Variants in SEMA3A observed in about 807,000 individuals in gnomAD.
SEMA3A encodes semaphorin 3A, also known as semaphorin-3A.
Under a neutral mutation model 97.9 loss-of-function variants are expected in SEMA3A, and 29 were observed. That is an observed-to-expected ratio of 0.30 (90% CI 0.22 to 0.40). SEMA3A has a LOEUF of 0.40. SEMA3A is among the 10% of genes least tolerant of loss of function. SEMA3A has a pLI of 1.00. For missense variants in SEMA3A, 763 were observed against 951.3 expected, an observed-to-expected ratio of 0.80 and a Z score of 2.60; for synonymous variants, 321 against 323.7, an observed-to-expected ratio of 0.99 and a Z score of 0.09.
intron 4 of SEMA3A, among the ~76,000 whole-genome samples, chr7:84,071,449 A>T (rs1198151749): frequency 6.6e-6 from 1 of 152,248 alleles, no homozygotes; most frequent in South Asian, 2.1e-4. Flanking sequence ...ATTCTTTTTT[A>T]GGCCAGGAGT....
intron 10 of SEMA3A, among the ~76,000 whole-genome samples, chr7:84,005,882 G>A (rs896600513): frequency 1.3e-5 from 2 of 152,118 alleles, no homozygotes. Flanking sequence ...CTGGGAGGTG[G>A]AGGTTGCAGT....
intron 3 of SEMA3A, among the ~76,000 whole-genome samples, chr7:84,219,995 C>G (rs1427970801): frequency 6.6e-6 from 1 of 152,122 alleles, no homozygotes; most frequent in African/African-American, 2.4e-5. Flanking sequence ...TATCCATTGT[C>G]TCTCCCTTTC....
intron 5 of SEMA3A, among the ~76,000 whole-genome samples, chr7:84,053,832 A>T (rs887132345): frequency 1.9e-5 from 2 of 104,916 alleles, no homozygotes; most frequent in African/African-American, 5.5e-5. Flanking sequence ...TTTTGGCATG[A>T]TTTTGCAGTG....
intron 3 of SEMA3A, 32 bp from the exon 4 acceptor site, chr7:84,110,621 A>T (rs757775827): frequency 6.2e-7 from 1 of 1,612,746 alleles, no homozygotes; most frequent in East Asian, 2.2e-5. Context: ...AAAGAGTTTC[A>T]GCAATCAGCA....
intron 2 of SEMA3A, among the ~76,000 whole-genome samples, chr7:84,336,599 G>A (rs1383120680): frequency 1.3e-5 from 2 of 152,118 alleles, no homozygotes; most frequent in Non-Finnish European, 2.9e-5. Flanking sequence ...CAGTAGGACA[G>A]TGTTCTATGA....
chr7:84,229,687 A>G (rs923545784), intron 3 of SEMA3A, among the ~76,000 whole-genome samples: 7 of 152,166 alleles, frequency 4.6e-5, no homozygotes, highest in African/African-American at 1.7e-4. Context: ...TTTGATTTTT[A>G]TAATGGAACA....
intron 3 of SEMA3A, among the ~76,000 whole-genome samples, chr7:84,255,782 A>G (rs1259991945): frequency 6.6e-6 from 1 of 151,794 alleles, no homozygotes; most frequent in Non-Finnish European, 1.5e-5. Context: ...AAATAAAAAC[A>G]GAAACACTCG....
At chr7:84,374,541 T>C (rs1240743484) in intron 1 of SEMA3A, among the ~76,000 whole-genome samples, 1 of 152,378 alleles carries the variant, frequency 6.6e-6, no homozygotes, top group South Asian at 2.1e-4. Flanking sequence ...AAACTGTCTC[T>C]GGTTTATAGG....
At chr7:84,441,507 C>T (rs549865032) in intron 1 of SEMA3A, among the ~76,000 whole-genome samples, 2 of 151,564 alleles carry the variant, frequency 1.3e-5, no homozygotes, top group Admixed American at 6.6e-5. Context: ...GTATAAGGTG[C>T]TGACAGAAAA....
chr7:84,353,294 G>A (rs894509006), intron 2 of SEMA3A, among the ~76,000 whole-genome samples: 1 of 151,498 alleles, frequency 6.6e-6, no homozygotes, highest in African/African-American at 2.4e-5. Context: ...GATATGGAGG[G>A]CTACTGTACT....
intron 1 of SEMA3A, among the ~76,000 whole-genome samples, chr7:84,412,015 C>T (rs1461494732): frequency 6.6e-6 from 1 of 151,920 alleles, no homozygotes; most frequent in Non-Finnish European, 1.5e-5. Context: ...ACACTTCTTG[C>T]TTTCTTTCCT....
intron 2 of SEMA3A, among the ~76,000 whole-genome samples, chr7:84,359,923 C>T (rs541097651): frequency 1.2e-4 from 18 of 151,070 alleles, no homozygotes; most frequent in South Asian, 6.3e-4. Context: ...AGTTTATTTG[C>T]GTAGAGGTGT....
intron 1 of SEMA3A, among the ~76,000 whole-genome samples, chr7:84,457,197 A>C (rs1480202761): frequency 6.6e-6 from 1 of 151,856 alleles, no homozygotes; most frequent in African/African-American, 2.4e-5. Context: ...GAAAAATGGC[A>C]ATTTTCTAGT....
At chr7:84,167,673 G>A (rs1797254876) in intron 1 of SEMA3A, among the ~76,000 whole-genome samples, 1 of 152,148 alleles carries the variant, frequency 6.6e-6, no homozygotes, top group African/African-American at 2.4e-5. Flanking sequence ...AAAGGGAAAT[G>A]ATAATTATCT....
At chr7:84,263,280 T>A (rs1019568009) in intron 3 of SEMA3A, among the ~76,000 whole-genome samples, 2 of 152,214 alleles carry the variant, frequency 1.3e-5, no homozygotes, top group Non-Finnish European at 2.9e-5. Context: ...TAGGTGGGAA[T>A]ACTTGAGGTC....
intron 4 of SEMA3A, among the ~76,000 whole-genome samples, chr7:84,094,218 G>A (rs1794680893): frequency 6.6e-6 from 1 of 152,038 alleles, no homozygotes; most frequent in Non-Finnish European, 1.5e-5. Flanking sequence ...CTGCTGCCCA[G>A]GAGAAAAGTC....
chr7:84,406,111 C>G (rs1442629251), intron 1 of SEMA3A, among the ~76,000 whole-genome samples: 1 of 152,068 alleles, frequency 6.6e-6, no homozygotes, highest in Non-Finnish European at 1.5e-5. Context: ...AATCCAGGAG[C>G]TGGTTTTTTG....
chr7:84,213,362 T>C (rs1798677669), intron 3 of SEMA3A, among the ~76,000 whole-genome samples: 1 of 152,174 alleles, frequency 6.6e-6, no homozygotes, highest in Admixed American at 6.5e-5. Context: ...CACTGCAGCC[T>C]CAGACTCCTG....
At chr7:84,237,726 C>T (rs1799268069) in intron 3 of SEMA3A, among the ~76,000 whole-genome samples, 1 of 152,044 alleles carries the variant, frequency 6.6e-6, no homozygotes, top group Admixed American at 6.6e-5. Flanking sequence ...GAAATCTGAG[C>T]TGAGTTTCAA....
Sources: gnomAD v4.1 joint callset for allele counts (sites outside exome capture counted in the v4.1 genomes callset) on GRCh38, gnomAD v4.1.1 for gene constraint, MANE v1.5 for transcripts, NCBI Gene and HGNC (gene_info 2026-07-23, HGNC 2026-07-21) for gene names.